Variants in SGPP2 observed in about 807,000 individuals in gnomAD.
SGPP2 encodes the protein sphingosine-1-phosphate phosphatase 2, also known as sphingosine 1-phosphate phosphohydrolase 2.
SGPP2 carries 30 observed loss-of-function variants against 33.9 expected under a neutral mutation model. The ratio of observed to expected loss-of-function variants is 0.89; its 90% CI spans 0.66 to 1.20. The LOEUF (loss-of-function observed/expected upper bound fraction) is 1.20, where lower values mean the gene tolerates loss of function less well. SGPP2 is among the 50% of genes most tolerant of loss of function. SGPP2 has a pLI of 0.00. For missense variants in SGPP2, 458 were observed against 532.1 expected (o/e 0.86, Z 1.37); for synonymous variants, 233 against 225.0 (o/e 1.04, Z -0.32).
intron 1 of SGPP2, among the ~76,000 whole-genome samples, chr2:222,425,781 G>T (rs1697060123): frequency 6.6e-6 from 1 of 152,130 alleles, no homozygotes; most frequent in African/African-American, 2.4e-5. Flanking sequence ...GTGAAAGAAA[G>T]GTGGCCTTTA....
At chr2:222,490,134 T>G (rs1203293076) in intron 2 of SGPP2, among the ~76,000 whole-genome samples, 1 of 152,180 alleles carries the variant, frequency 6.6e-6, no homozygotes, top group Non-Finnish European at 1.5e-5. Flanking sequence ...AGTTTCTATA[T>G]TCATGAGAAA....
In SGPP2 at chr2:222,452,640, G is replaced by A. The variant is rs544943773; in HGVS notation, c.220-21928G>A. 4 of 1,375,662 alleles carry A rather than the reference G, an allele frequency of 2.9e-6. No individual in the cohort carries two copies. In the Admixed American group the frequency reaches 5.1e-5, roughly 17 times the overall value. The allele number at this position is 1,375,662 out of a possible 1,614,324, so 85.2% of individuals were successfully genotyped here. A position where few individuals can be genotyped will look rare whatever the true frequency, so the allele number is the denominator to read the frequency against. On this transcript the variant is annotated intron_variant, in intron 1 of 4. Transcript: ENST00000321276. The stretch of plus-strand genomic sequence containing the variant: ...CCAGAACTGGGTGCACCAGGTCTGA[G>A]TGTTCCAGGAGTAGTTGCTCCAGGA...
chr2:222,430,636 T>C (rs1697140067), intron 1 of SGPP2, among the ~76,000 whole-genome samples: 1 of 152,116 alleles, frequency 6.6e-6, no homozygotes, highest in South Asian at 2.1e-4. Context: ...TTCTTAAACA[T>C]GGGCTGCACA....
chr2:222,476,820 GTGTGTGTATATGTGTA>G lies in SGPP2; in HGVS notation c.378+2106_378+2121del, dbSNP rs1697941950. 6.6e-6 allele frequency among the ~76,000 whole-genome samples: 1 copy of G among 151,670 alleles called. No homozygotes were observed. Among genetic ancestry groups the G allele is most frequent in the South Asian group, 2.1e-4 (1 of 4,812 alleles). ...TGTGTATATCCGTGCGTGTATATAG[GTGTGTGTATATGTGTA>G]TGTGTGTATATAGGTGTGTATATGT... On this transcript the variant is annotated intron_variant, in intron 2 of 4. Transcript: ENST00000321276. This position sits in a 1 kb window ranked among gnomAD's most constrained non-coding sequence, Gnocchi z 4.3.
At chr2:222,502,739 C>T (rs1574864587) in intron 2 of SGPP2, among the ~76,000 whole-genome samples, 1 of 152,318 alleles carries the variant, frequency 6.6e-6, no homozygotes, top group East Asian at 1.9e-4. Context: ...ATTATCAATA[C>T]ACCATGCTGA....
intron 2 of SGPP2, 84 bp downstream of exon 2, chr2:222,474,810 C>A (rs1045843997): frequency 1.4e-4 from 124 of 867,492 alleles, no homozygotes; most frequent in Non-Finnish European, 1.8e-4. Flanking sequence ...CAAATATGTT[C>A]TTTCTTTTTT....
intron 1 of SGPP2, among the ~76,000 whole-genome samples, chr2:222,442,828 A>C (rs1039215146): frequency 1.3e-5 from 2 of 152,190 alleles, no homozygotes; most frequent in African/African-American, 2.4e-5. Flanking sequence ...GGGACCCTTA[A>C]ATTTACCCTT....
chr2:222,430,224 T>C (rs1005023748), intron 1 of SGPP2, among the ~76,000 whole-genome samples: 3 of 151,958 alleles, frequency 2.0e-5, no homozygotes, highest in African/African-American at 2.4e-5. Context: ...CAGGCAAAAA[T>C]GGGAGAAGCT....
intron 1 of SGPP2, among the ~76,000 whole-genome samples, chr2:222,441,309 C>G (rs1697322114): frequency 6.6e-6 from 1 of 152,132 alleles, no homozygotes; most frequent in South Asian, 2.1e-4. Context: ...TAGTTTTCAT[C>G]ATCAGAAAGT....
intron 2 of SGPP2, among the ~76,000 whole-genome samples, chr2:222,509,551 C>T (rs1237169138): frequency 6.6e-6 from 1 of 152,174 alleles, no homozygotes; most frequent in Non-Finnish European, 1.5e-5. Flanking sequence ...GGTATGTACT[C>T]ACTTCAGTGC....
intron 2 of SGPP2, among the ~76,000 whole-genome samples, chr2:222,501,107 C>T (rs920866732): frequency 6.6e-6 from 1 of 152,168 alleles, no homozygotes; most frequent in African/African-American, 2.4e-5. Flanking sequence ...GACCCGTGGG[C>T]TTTCTCAACC....
chr2:222,511,868 A>G (rs1489991145), intron 2 of SGPP2, among the ~76,000 whole-genome samples: 1 of 152,094 alleles, frequency 6.6e-6, no homozygotes, highest in African/African-American at 2.4e-5. Flanking sequence ...TTGTAGAGAC[A>G]GGGTTTCACC....
At position 222,554,986 on chromosome 2, in the gene SGPP2, C is replaced by T. The variant is rs192665919; in HGVS notation, c.649-3361C>T. Among the ~76,000 whole-genome samples the T allele has an allele frequency of 1.5e-3, 231 of 152,308 alleles. 1 individual carries two copies. The highest frequency in any genetic ancestry group is 0.013 in the Admixed American group (200 of 15,302). ...AGTTGCATCATCCTCAAGCCTCCCT[C>T]CTCCCATCCCTTCGGAGTCACAACA... is the stretch of plus-strand genomic sequence containing the variant. On this transcript the variant is annotated intron_variant, in intron 4 of 4. Transcript: ENST00000321276.
intron 2 of SGPP2, among the ~76,000 whole-genome samples, chr2:222,512,709 C>T: frequency 6.6e-6 from 1 of 152,146 alleles, no homozygotes; most frequent in Non-Finnish European, 1.5e-5. Context: ...TCTAGAATGT[C>T]ATATAGTTGG....
rs1488647756 is a variant in SGPP2, at chr2:222,446,478, T to C, written c.219+21657T>C. Among the ~76,000 whole-genome samples, 7 of 152,236 alleles carry C rather than the reference T, an allele frequency of 4.6e-5. 1 individual carries two copies. Among genetic ancestry groups the C allele is most frequent in the Admixed American group, 4.6e-4 (7 of 15,292 alleles). On this transcript the variant is annotated intron_variant, in intron 1 of 4. Transcript: ENST00000321276. ...TACTTGTTGTTGCTATCCGGGGGAATAGCTTTCTAGATAATGTTTTCTATG... is the reference window on the plus strand; with the variant it reads ...TACTTGTTGTTGCTATCCGGGGGAACAGCTTTCTAGATAATGTTTTCTATG...
At chr2:222,555,682 T>A (rs1273065426) in intron 4 of SGPP2, among the ~76,000 whole-genome samples, 1 of 152,142 alleles carries the variant, frequency 6.6e-6, no homozygotes, top group Non-Finnish European at 1.5e-5. Flanking sequence ...AAAGACAGAA[T>A]CTGCAAATGC....
At chr2:222,539,169 C>T (rs990715763) in intron 4 of SGPP2, among the ~76,000 whole-genome samples, 1 of 152,240 alleles carries the variant, frequency 6.6e-6, no homozygotes, top group East Asian at 1.9e-4. Context: ...TTCCAAGAAA[C>T]GATGGGATTG....
At chr2:222,502,064 T>A (rs1204314243) in intron 2 of SGPP2, among the ~76,000 whole-genome samples, 1 of 152,228 alleles carries the variant, frequency 6.6e-6, no homozygotes, top group Non-Finnish European at 1.5e-5. Flanking sequence ...TTCCCATTTG[T>A]TAGGCACACT....
At chr2:222,457,555 A>G (rs1697591229) in intron 1 of SGPP2, among the ~76,000 whole-genome samples, 1 of 152,210 alleles carries the variant, frequency 6.6e-6, no homozygotes, top group South Asian at 2.1e-4. Flanking sequence ...AAACTAAGAA[A>G]CCATTAAATA....
Sources: allele counts gnomAD v4.1 joint callset (sites outside exome capture counted in the v4.1 genomes callset), GRCh38; gene constraint gnomAD v4.1.1; non-coding constraint Gnocchi (gnomAD v3.1); transcripts MANE v1.5; gene names NCBI Gene and HGNC (gene_info 2026-07-23, HGNC 2026-07-21).